The following LRP1B variants were observed in gnomAD, a reference collection of about 807,000 sequenced individuals.
LRP1B encodes the protein low-density lipoprotein receptor-related protein 1B.
A neutral mutation model predicts 556.6 loss-of-function variants in LRP1B; 217 were observed. That is an observed-to-expected ratio of 0.39 (90% confidence interval 0.35 to 0.44). LRP1B has a LOEUF of 0.44. Ranked by LOEUF, LRP1B falls within the 20% of genes least tolerant of loss-of-function variation. The pLI, the probability that LRP1B is intolerant of heterozygous loss-of-function variation, is 1.00. For missense variants in LRP1B, 5,053 were observed against 5,620.8 expected, an observed-to-expected ratio of 0.90 and a Z score of 3.23; for synonymous variants, 2,047 against 1,865.8, an observed-to-expected ratio of 1.10 and a Z score of -2.50.
intron 2 of LRP1B, among the ~76,000 whole-genome samples, chr2:141,591,363 G>GT (rs71391662): frequency 0.35 from 49,229 of 138,830 alleles, 9,577 homozygotes; most frequent in Non-Finnish European, 0.45. Context: ...TTGTTTGTTT[G>GT]TTTTTTTTTT....
chr2:141,687,437 A>G (rs1263741940), intron 2 of LRP1B, among the ~76,000 whole-genome samples: 1 of 152,022 alleles, frequency 6.6e-6, no homozygotes, highest in African/African-American at 2.4e-5. Flanking sequence ...TAGCTACATT[A>G]TTATTGAATT....
chr2:140,614,161 T>G (rs1559006430), intron 41 of LRP1B, among the ~76,000 whole-genome samples: 1 of 152,124 alleles, frequency 6.6e-6, no homozygotes, highest in Non-Finnish European at 1.5e-5. Flanking sequence ...ATTCTCCTTT[T>G]AAATCACTCA....
intron 5 of LRP1B, among the ~76,000 whole-genome samples, chr2:141,245,988 A>C (rs1684053679): frequency 6.6e-6 from 1 of 152,210 alleles, no homozygotes; most frequent in African/African-American, 2.4e-5. Flanking sequence ...AAATAACAGT[A>C]AACAAATCCA....
chr2:140,447,516 C>G (rs774234532), intron 63 of LRP1B, among the ~76,000 whole-genome samples: 16 of 152,024 alleles, frequency 1.1e-4, no homozygotes, highest in Non-Finnish European at 2.1e-4. Context: ...TTAGGTAGGG[C>G]CTTGCTCTGG....
intron 29 of LRP1B, among the ~76,000 whole-genome samples, chr2:140,847,204 T>C (rs936245514): frequency 6.6e-6 from 1 of 152,130 alleles, no homozygotes; most frequent in Non-Finnish European, 1.5e-5. Context: ...GCTCATCTAC[T>C]CCCAACCCAT....
rs574243838 is a variant in LRP1B, at chr2:141,688,570, G to A, written c.205+121709C>T. On this transcript the variant is annotated intron_variant, in intron 2 of 90. Transcript: ENST00000389484. ...TCTCATAATAATGATGAAAGTGAAA[G>A]CAAATACCTCATTTTATAACTAAAG... 2.6e-5 allele frequency among the ~76,000 whole-genome samples: 4 copies of A among 151,892 alleles called. No homozygotes were observed. The South Asian group carries it at 8.3e-4, about 31-fold the overall frequency.
At chr2:141,931,131 A>G (rs987356795) in intron 1 of LRP1B, among the ~76,000 whole-genome samples, 1 of 152,080 alleles carries the variant, frequency 6.6e-6, no homozygotes, top group Non-Finnish European at 1.5e-5. Context: ...CCAGAAGTCT[A>G]TGAAACTCTG....
At chr2:140,533,942 C>T in intron 47 of LRP1B, 79 bp downstream of exon 47, 1 of 1,508,960 alleles carries the variant, frequency 6.6e-7, no homozygotes, top group Non-Finnish European at 9.1e-7. Context: ...TGCCACAGAG[C>T]TCTCAGAAAC....
At chr2:141,407,560 C>T (rs201862795) in intron 3 of LRP1B, among the ~76,000 whole-genome samples, 3 of 152,062 alleles carry the variant, frequency 2.0e-5, no homozygotes, top group East Asian at 3.9e-4. Context: ...AGTGAGCACT[C>T]TCTCTGAGCT....
At chr2:141,228,889 T>G (rs1158252994) in intron 6 of LRP1B, among the ~76,000 whole-genome samples, 1 of 151,994 alleles carries the variant, frequency 6.6e-6, no homozygotes, top group Non-Finnish European at 1.5e-5. Context: ...ACATTGTGAA[T>G]TACCACTCAG....
chr2:141,756,544 TACAC>T (rs35271250), intron 2 of LRP1B, among the ~76,000 whole-genome samples: 46,914 of 143,150 alleles, frequency 0.33, 7,845 homozygotes, highest in East Asian at 0.42. Flanking sequence ...TCTCTCAAAT[TACAC>T]ACACACACAC....
chr2:141,718,512 T>A (rs573634222), intron 2 of LRP1B, among the ~76,000 whole-genome samples: 22 of 152,230 alleles, frequency 1.4e-4, no homozygotes, highest in African/African-American at 4.1e-4. Context: ...AAAAAACAAG[T>A]GAAGATTTTA....
rs533920987 is a variant in LRP1B at position 140,920,876 on chromosome 2, G to C, written c.3319+2089C>G. Among the ~76,000 whole-genome samples, 5 of 151,922 alleles carry C rather than the reference G, an allele frequency of 3.3e-5. No individual in the cohort carries two copies. The South Asian group carries it at 1.0e-3, about 31-fold the overall frequency. On this transcript the variant is annotated intron_variant, in intron 21 of 90. Coordinates refer to ENST00000389484, the MANE Select transcript of LRP1B (RefSeq NM_018557.3). ...GTTTAATTAAAAGCATTATTAAATC[G>C]ATAATCCAAATCTCAAGTCAACACA...
At chr2:140,561,589 T>C (rs1356775350) in intron 43 of LRP1B, among the ~76,000 whole-genome samples, 1 of 152,142 alleles carries the variant, frequency 6.6e-6, no homozygotes, top group Non-Finnish European at 1.5e-5. Context: ...AAAGGTATCA[T>C]GCCTTTTCAG....
At chr2:141,521,793 A>G (rs1018172100) in intron 2 of LRP1B, among the ~76,000 whole-genome samples, 1 of 152,128 alleles carries the variant, frequency 6.6e-6, no homozygotes, top group African/African-American at 2.4e-5. Flanking sequence ...ATGCTTTCCA[A>G]GTCTGGATTC....
chr2:140,974,892 C>T (rs1373992521), intron 18 of LRP1B, among the ~76,000 whole-genome samples: 1 of 152,162 alleles, frequency 6.6e-6, no homozygotes, highest in Admixed American at 6.6e-5. Flanking sequence ...CCATGAGAAT[C>T]ATTCATGAAA....
intron 7 of LRP1B, among the ~76,000 whole-genome samples, chr2:141,147,840 A>G (rs1701824260): frequency 6.6e-6 from 1 of 152,216 alleles, no homozygotes; most frequent in Admixed American, 6.5e-5. Context: ...CCATAAGTTT[A>G]TAATACCGTA....
rs776979327 is a variant in LRP1B, at chr2:140,702,547, C to T, written c.6030G>A (p.Leu2010=). 1.1e-5 allele frequency: 18 copies of T among 1,613,028 alleles called. No homozygotes were observed. The highest frequency in any genetic ancestry group is 3.3e-4 in the Middle Eastern group (2 of 6,054). The change falls in exon 38 of 91, where the codon TTG becomes TTA. Residue 2010 remains leucine (L), a synonymous_variant. Transcript: ENST00000389484. ...SIAVHPEKGL[L]FWTEWGQMPC... is the part of the protein sequence containing the mutation. ...GCATTTGTCCCCATTCAGTCCAGAA[C>T]AAGAGGCTGAAATTAAATTGTTAAT... is the stretch of plus-strand genomic sequence containing the variant.
At chr2:140,812,042 A>T (rs1690945880) in intron 32 of LRP1B, among the ~76,000 whole-genome samples, 1 of 152,118 alleles carries the variant, frequency 6.6e-6, no homozygotes, top group African/African-American at 2.4e-5. Flanking sequence ...ATAATTTAGA[A>T]AAAATATATA....
Sources: allele counts gnomAD v4.1 joint callset (sites outside exome capture counted in the v4.1 genomes callset), GRCh38; gene constraint gnomAD v4.1.1; transcripts MANE v1.5; gene names NCBI Gene and HGNC (gene_info 2026-07-23, HGNC 2026-07-21).